Variants in PLCB1 observed in about 807,000 individuals in gnomAD.
PLCB1 encodes 1-phosphatidylinositol 4,5-bisphosphate phosphodiesterase beta-1.
Under a neutral mutation model 161.8 loss-of-function variants are expected in PLCB1, and 46 were observed. The observed-to-expected ratio is 0.28, with a 90% confidence interval of 0.22 to 0.36. PLCB1 has a LOEUF of 0.36. PLCB1 is among the 10% of genes least tolerant of loss of function. The pLI is 1.00. For synonymous variants in PLCB1, 517 were observed against 503.7 expected (o/e 1.03, Z -0.35); for missense variants, 1,016 against 1,472.5 (o/e 0.69, Z 5.07).
chr20:8,184,769 T>TTATTATTA (rs2051882736), intron 2 of PLCB1, among the ~76,000 whole-genome samples: 2 of 141,916 alleles, frequency 1.4e-5, no homozygotes, highest in African/African-American at 5.1e-5. Flanking sequence ...TGGCAATACC[T>TTATTATTA]TTATTATTAT....
chr20:8,584,409 T>C (rs1232901453), intron 3 of PLCB1, among the ~76,000 whole-genome samples: 1 of 152,014 alleles, frequency 6.6e-6, no homozygotes, highest in Non-Finnish European at 1.5e-5. Context: ...ATAGCTTACA[T>C]AGAGTACAGT....
intron 9 of PLCB1, among the ~76,000 whole-genome samples, chr20:8,684,400 C>T (rs947945272): frequency 5.3e-5 from 8 of 151,800 alleles, no homozygotes; most frequent in African/African-American, 1.9e-4. Context: ...GGATTACAGG[C>T]GCCCACCATG....
intron 2 of PLCB1, among the ~76,000 whole-genome samples, chr20:8,342,575 A>G (rs550866822): frequency 3.3e-5 from 5 of 152,006 alleles, no homozygotes; most frequent in African/African-American, 1.2e-4. Flanking sequence ...TCCAGAGCAT[A>G]CTCTCCCAAC....
At chr20:8,509,833 T>G (rs931887930) in intron 3 of PLCB1, among the ~76,000 whole-genome samples, 1 of 152,184 alleles carries the variant, frequency 6.6e-6, no homozygotes, top group Admixed American at 6.5e-5. Flanking sequence ...TTCTGAAGTT[T>G]CGGGAATAAT....
In PLCB1 at chr20:8,242,415, T is replaced by C. The variant is rs144088797; in HGVS notation, c.177+92044T>C. 3.3e-5 allele frequency among the ~76,000 whole-genome samples: 5 copies of C among 152,064 alleles called. No individual in the cohort carries two copies. In the East Asian group the frequency reaches 9.7e-4, roughly 30 times the overall value. The stretch of plus-strand genomic sequence containing the variant: ...AGCAGCTCCTCTAAGAAGGCAATGA[T>C]TAGTATTTGAACCACAAGGAACAGG... On this transcript the variant is annotated intron_variant, in intron 2 of 31. Coordinates refer to ENST00000338037, the MANE Select transcript of PLCB1 (RefSeq NM_015192.4).
chr20:8,143,801 C>T lies in PLCB1; in HGVS notation c.100-6493C>T, dbSNP rs533781565. Among the ~76,000 whole-genome samples the T allele has an allele frequency of 5.6e-4, 85 of 152,284 alleles. No individual in the cohort carries two copies. In the South Asian group the frequency reaches 0.012, roughly 22 times the overall value. ...ATGGCAAGGGCCTGCATATATACTG[C>T]GTAGGTCCTTGCAGGATTTTAGACG... is the stretch of plus-strand genomic sequence containing the variant. On this transcript the variant is annotated intron_variant, in intron 1 of 31. Transcript: ENST00000338037.
chr20:8,216,523 A>G (rs547899797), intron 2 of PLCB1, among the ~76,000 whole-genome samples: 4 of 152,164 alleles, frequency 2.6e-5, no homozygotes, highest in Non-Finnish European at 5.9e-5. Context: ...GAGTTCAGAG[A>G]TGAATTTGAG....
At chr20:8,284,257 C>T (rs1373814378) in intron 2 of PLCB1, among the ~76,000 whole-genome samples, 2 of 152,024 alleles carry the variant, frequency 1.3e-5, no homozygotes, top group Non-Finnish European at 2.9e-5. Context: ...TTTAGCAATA[C>T]TTTTGAGATG....
In PLCB1 at chr20:8,883,525, C is replaced by T. The variant is rs1988068839; in HGVS notation, c.*1676C>T. On this transcript the variant is annotated 3_prime_UTR_variant, in exon 32 of 32. Transcript: ENST00000338037. ...TTAAAATAAACCTGTCTGACTGTAG[C>T]TTTGTGAAATATCTTAAAACGCAAA... The T allele has an allele frequency of 6.6e-6, 1 of 152,056 alleles. No individual in the cohort carries two copies. Among genetic ancestry groups the T allele is most frequent in the Non-Finnish European group, 1.5e-5 (1 of 67,972 alleles). 9.4% of individuals were successfully genotyped at this position (152,056 alleles called of 1,614,324 possible). A position where few individuals can be genotyped will look rare whatever the true frequency, so the allele number is the denominator to read the frequency against.
At chr20:8,584,677 T>C (rs1320762720) in intron 3 of PLCB1, among the ~76,000 whole-genome samples, 1 of 149,794 alleles carries the variant, frequency 6.7e-6, no homozygotes, top group Non-Finnish European at 1.5e-5. Flanking sequence ...TAGTATCCCT[T>C]GATTCTTATT....
At chr20:8,809,962 G>A (rs529107453) in intron 31 of PLCB1, among the ~76,000 whole-genome samples, 1 of 152,268 alleles carries the variant, frequency 6.6e-6, no homozygotes, top group South Asian at 2.1e-4. Flanking sequence ...CTAGCTCACA[G>A]CTAATACTAA....
chr20:8,805,493 T>C (rs1727484661), intron 31 of PLCB1, among the ~76,000 whole-genome samples: 1 of 152,216 alleles, frequency 6.6e-6, no homozygotes, highest in South Asian at 2.1e-4. Context: ...ACATAGTTCC[T>C]ACATGCTTTG....
chr20:8,398,422 G>A (rs1357545163), intron 3 of PLCB1, among the ~76,000 whole-genome samples: 1 of 151,952 alleles, frequency 6.6e-6, no homozygotes, highest in East Asian at 1.9e-4. Context: ...ATAGACTGGT[G>A]GCTGAAATAA....
rs531522139 is a variant in PLCB1, at chr20:8,709,102, A to G, written c.1250+350A>G. On this transcript the variant is annotated intron_variant, in intron 12 of 31. Transcript: ENST00000338037. ...TAACCCTTCTTCATTAGCTCCTTCT[A>G]TTGCACACAATTTGAGTCCACTTCA... 1.8e-3 allele frequency among the ~76,000 whole-genome samples: 281 copies of G among 152,182 alleles called. 2 individuals are homozygous for G. The highest frequency in any genetic ancestry group is 2.2e-3 in the Non-Finnish European group (149 of 67,992).
At chr20:8,689,175 A>C (rs1246791688) in intron 10 of PLCB1, among the ~76,000 whole-genome samples, 3 of 151,392 alleles carry the variant, frequency 2.0e-5, no homozygotes, top group African/African-American at 7.3e-5. Context: ...AGAGCTACTG[A>C]TTTGAATATA....
intron 23 of PLCB1, among the ~76,000 whole-genome samples, chr20:8,747,222 C>A (rs2143263): frequency 6.6e-6 from 1 of 152,176 alleles, no homozygotes; most frequent in African/African-American, 2.4e-5. Context: ...AGAACTTATT[C>A]TTCAGAAAGT....
intron 31 of PLCB1, among the ~76,000 whole-genome samples, chr20:8,856,104 G>A (rs542061845): frequency 6.6e-6 from 1 of 151,604 alleles, no homozygotes; most frequent in East Asian, 1.9e-4. Context: ...TGCCCTTCAA[G>A]GTAACAATGA....
intron 12 of PLCB1, among the ~76,000 whole-genome samples, chr20:8,709,371 A>T (rs1270720363): frequency 6.6e-6 from 1 of 152,228 alleles, no homozygotes. Context: ...AGACACATTT[A>T]TATCTAATAG....
intron 20 of PLCB1, among the ~76,000 whole-genome samples, chr20:8,738,410 T>C (rs1980694258): frequency 6.6e-6 from 1 of 152,202 alleles, no homozygotes; most frequent in Admixed American, 6.5e-5. Context: ...TCATTGTGGT[T>C]TTGATTTGCA....
Sources: allele counts gnomAD v4.1 joint callset (sites outside exome capture counted in the v4.1 genomes callset), GRCh38; gene constraint gnomAD v4.1.1; transcripts MANE v1.5; gene names NCBI Gene and HGNC (gene_info 2026-07-23, HGNC 2026-07-21).